GUCY1A2: variants seen among roughly 807,000 people sequenced by gnomAD.
The protein encoded by GUCY1A2 is guanylate cyclase 1 soluble subunit alpha 2.
In GUCY1A2, 27 loss-of-function variants were observed where a neutral mutation model predicts 63.5. The observed-to-expected ratio is 0.43, with a 90% CI of 0.31 to 0.59. The LOEUF is 0.59. Ranked by LOEUF, GUCY1A2 falls within the 20% of genes least tolerant of loss-of-function variation. The pLI is 0.11. For missense variants in GUCY1A2, 768 were observed against 913.3 expected, an observed-to-expected ratio of 0.84 and a Z score of 2.05; for synonymous variants, 364 against 343.5, an observed-to-expected ratio of 1.06 and a Z score of -0.66.
At chr11:106,840,941 A>T (rs529678581) in intron 4 of GUCY1A2, among the ~76,000 whole-genome samples, 2 of 152,132 alleles carry the variant, frequency 1.3e-5, no homozygotes, top group East Asian at 3.9e-4. Flanking sequence ...TTTAGTTCAA[A>T]ATGGTAATAA....
chr11:106,935,761 C>T (rs922239648), intron 4 of GUCY1A2, among the ~76,000 whole-genome samples: 2 of 151,318 alleles, frequency 1.3e-5, no homozygotes, highest in Admixed American at 6.6e-5. Flanking sequence ...ACAGGAGAAT[C>T]GCTTGAACTA....
rs1042823726 is a variant in GUCY1A2 at position 106,680,819 on chromosome 11, T to A, written c.*6730A>T. 3 of 208,062 alleles carry A rather than the reference T, an allele frequency of 1.4e-5. No homozygotes were observed. The highest frequency in any genetic ancestry group is 2.9e-5 in the Non-Finnish European group (3 of 102,042). The allele number at this position is 208,062 out of a possible 1,614,324, so 12.9% of individuals were successfully genotyped here. The stretch of plus-strand genomic sequence containing the variant: ...CACCCACCATTCAAATGGGTTCATA[T>A]TCATGTTTAGGGGATTGTTTACCTT... On this transcript the variant is annotated 3_prime_UTR_variant, in exon 8 of 8. Transcript: ENST00000526355.
At chr11:106,860,525 A>G (rs965147239) in intron 4 of GUCY1A2, among the ~76,000 whole-genome samples, 2 of 151,954 alleles carry the variant, frequency 1.3e-5, no homozygotes, top group Non-Finnish European at 2.9e-5. Flanking sequence ...ACCCAACCAT[A>G]GTGTATTTTA....
chr11:106,708,859 T>C (rs1325733250), intron 6 of GUCY1A2, among the ~76,000 whole-genome samples, 193 bp from the exon 7 acceptor site: 5 of 151,572 alleles, frequency 3.3e-5, no homozygotes, highest in Non-Finnish European at 5.9e-5. Flanking sequence ...AGAAGATAAA[T>C]GCTATTGAAT....
intron 4 of GUCY1A2, among the ~76,000 whole-genome samples, chr11:106,833,506 T>C (rs551898519): frequency 4.5e-4 from 68 of 152,216 alleles, no homozygotes; most frequent in South Asian, 2.1e-3. Flanking sequence ...CCAAGTTTTA[T>C]TTTTCTCCTT....
intron 4 of GUCY1A2, among the ~76,000 whole-genome samples, chr11:106,917,609 A>G (rs1860384846): frequency 6.9e-6 from 1 of 144,698 alleles, no homozygotes; most frequent in South Asian, 2.5e-4. Context: ...AATACTATGC[A>G]GCCATAAAAA....
At chr11:106,714,674 T>A (rs1863184808) in intron 6 of GUCY1A2, among the ~76,000 whole-genome samples, 1 of 152,206 alleles carries the variant, frequency 6.6e-6, no homozygotes, top group African/African-American at 2.4e-5. Context: ...AACCAATGGT[T>A]CTCACCTGAG....
intron 4 of GUCY1A2, among the ~76,000 whole-genome samples, chr11:106,898,641 G>GA (rs1265684125): frequency 6.6e-6 from 1 of 151,994 alleles, no homozygotes; most frequent in South Asian, 2.1e-4. Context: ...TAACATTCTG[G>GA]AAAAAACAAA....
chr11:106,703,876 T>C (rs2135345501), intron 7 of GUCY1A2, among the ~76,000 whole-genome samples: 1 of 152,100 alleles, frequency 6.6e-6, no homozygotes, highest in East Asian at 1.9e-4. Context: ...GATATACATA[T>C]ATGATTCCCA....
At chr11:106,743,214 A>C (rs1015045853) in intron 6 of GUCY1A2, among the ~76,000 whole-genome samples, 8 of 152,052 alleles carry the variant, frequency 5.3e-5, no homozygotes, top group African/African-American at 1.2e-4. Flanking sequence ...CTCCTAACTG[A>C]TCTTTCTGTT....
In GUCY1A2 at chr11:106,692,547, C is replaced by T. The variant is rs1379876811; in HGVS notation, c.1992-4791G>A. ...CATTTCCTCCAATTTTCACCAAGCT[C>T]TGTGCTCTGTCCTACATCCTACCTT... On this transcript the variant is annotated intron_variant, in intron 7 of 7. Coordinates refer to ENST00000526355, the MANE Select transcript of GUCY1A2 (RefSeq NM_000855.3). Among the ~76,000 whole-genome samples, 6 of 152,128 alleles carry T rather than the reference C, an allele frequency of 3.9e-5. No homozygotes were observed. The South Asian group carries it at 1.0e-3, about 26-fold the overall frequency.
intron 4 of GUCY1A2, among the ~76,000 whole-genome samples, chr11:106,890,287 A>C (rs1162218655): frequency 2.6e-5 from 4 of 152,188 alleles, no homozygotes; most frequent in Non-Finnish European, 5.9e-5. Flanking sequence ...TTGCATAACC[A>C]GCAACCTGTT....
rs1862532807 is a variant in GUCY1A2, at chr11:106,686,742, T to A, written c.*807A>T. ...ACCTTTCTTTAATCTTGGTTACAGA[T>A]ACATCTGGTGTTAGGAAATTCCATT... On this transcript the variant is annotated 3_prime_UTR_variant, in exon 8 of 8. Coordinates refer to ENST00000526355, the MANE Select transcript of GUCY1A2 (RefSeq NM_000855.3). 2 of 202,850 alleles carry A rather than the reference T, an allele frequency of 9.9e-6. No homozygotes were observed. The highest frequency in any genetic ancestry group is 2.0e-5 in the Non-Finnish European group (2 of 98,706). 12.6% of individuals were successfully genotyped at this position (202,850 alleles called of 1,614,324 possible). A position where few individuals can be genotyped will look rare whatever the true frequency, so the allele number is the denominator to read the frequency against.
chr11:106,910,265 G>A lies in GUCY1A2; in HGVS notation c.1206+29195C>T, dbSNP rs535065503. ...TTAAATAAAAAATCCAAAACTATAT[G>A]TAGTATGATCCCTATTATATTTCAA... is the stretch of plus-strand genomic sequence containing the variant. On this transcript the variant is annotated intron_variant, in intron 4 of 7. Transcript: ENST00000526355. Among the ~76,000 whole-genome samples the A allele has an allele frequency of 4.6e-3, 693 of 152,052 alleles. 5 individuals carry two copies. The highest frequency in any genetic ancestry group is 0.02 in the Middle Eastern group (6 of 294).
intron 3 of GUCY1A2, among the ~76,000 whole-genome samples, chr11:106,944,648 A>T (rs1352206685): frequency 6.6e-6 from 1 of 152,166 alleles, no homozygotes; most frequent in African/African-American, 2.4e-5. Context: ...TTAAAATAAA[A>T]TTTTTTAATC....
chr11:106,986,012 G>T, intron 2 of GUCY1A2, 58 bp downstream of exon 2: 2 of 878,544 alleles, frequency 2.3e-6, no homozygotes, highest in Non-Finnish European at 2.0e-6. Flanking sequence ...CAACAGCTAT[G>T]TTTGAGTAAT....
intron 4 of GUCY1A2, among the ~76,000 whole-genome samples, chr11:106,845,092 T>G (rs1859252525): frequency 6.6e-6 from 1 of 151,734 alleles, no homozygotes; most frequent in Admixed American, 6.6e-5. Flanking sequence ...TGGAGTTACC[T>G]GTTCTTCAAA....
In GUCY1A2 at chr11:107,005,554, G is replaced by A. The variant is rs11212001; in HGVS notation, c.303+12199C>T. Among the ~76,000 whole-genome samples the A allele has an allele frequency of 5.5e-4, 83 of 152,270 alleles. No homozygotes were observed. The East Asian group carries it at 9.4e-3, about 17-fold the overall frequency. ...CTCCCAAAGTGCTGAGATTACAGGC[G>A]TGATTTTACATTTTTAAATACAAAA... On this transcript the variant is annotated intron_variant, in intron 1 of 7. Coordinates refer to ENST00000526355, the MANE Select transcript of GUCY1A2 (RefSeq NM_000855.3).
chr11:106,869,652 T>C (rs1371703921), intron 4 of GUCY1A2, among the ~76,000 whole-genome samples: 1 of 152,178 alleles, frequency 6.6e-6, no homozygotes, highest in Non-Finnish European at 1.5e-5. Flanking sequence ...TTTTACACTG[T>C]TGGTGGGACT....
Sources: gnomAD v4.1 joint callset for allele counts (sites outside exome capture counted in the v4.1 genomes callset) on GRCh38, gnomAD v4.1.1 for gene constraint, MANE v1.5 for transcripts, NCBI Gene and HGNC (gene_info 2026-07-23, HGNC 2026-07-21) for gene names.